KCNG2: variants seen among roughly 807,000 people sequenced by gnomAD.
KCNG2 encodes potassium voltage-gated channel modifier subfamily G member 2, also known as voltage-gated potassium channel regulatory subunit KCNG2.
KCNG2 carries 7 observed loss-of-function variants against 12.3 expected under a neutral mutation model. The ratio of observed to expected loss-of-function variants is 0.57; its 90% CI spans 0.32 to 1.07. The LOEUF (loss-of-function observed/expected upper bound fraction) is 1.07. Ranked by LOEUF, KCNG2 falls within the 50% of genes least tolerant of loss-of-function variation. The pLI is 0.04. For missense variants in KCNG2, 703 were observed against 726.0 expected, an observed-to-expected ratio of 0.97 and a Z score of 0.36; for synonymous variants, 414 against 351.4, an observed-to-expected ratio of 1.18 and a Z score of -1.99.
intron 3 of KCNG2, among the ~76,000 whole-genome samples, chr18:79,874,294 A>G (rs1320703034): frequency 6.6e-6 from 1 of 152,188 alleles, no homozygotes; most frequent in Non-Finnish European, 1.5e-5. Context: ...TCACCCTAAT[A>G]ACAAAAATAT....
chr18:79,856,111 T>C (rs557163375), intron 1 of KCNG2, among the ~76,000 whole-genome samples: 32 of 152,348 alleles, frequency 2.1e-4, no homozygotes, highest in African/African-American at 7.7e-4. Context: ...TATTTTAAAA[T>C]GTATGTTCTG....
At chr18:79,887,510 C>T (rs1409359036) in intron 3 of KCNG2, among the ~76,000 whole-genome samples, 1 of 152,108 alleles carries the variant, frequency 6.6e-6, no homozygotes, top group African/African-American at 2.4e-5. Flanking sequence ...CAGAGACAGA[C>T]GTGGGAGGGA....
At chr18:79,898,843 T>A (rs917611486) in intron 3 of KCNG2, among the ~76,000 whole-genome samples, 197 bp from the exon 4 acceptor site, 14 of 152,256 alleles carry the variant, frequency 9.2e-5, no homozygotes, top group African/African-American at 3.4e-4. Context: ...CCCGAAGTGA[T>A]CACCATGAAA....
intron 1 of KCNG2, chr18:79,816,537 G>C (rs2123000427): frequency 6.6e-6 from 1 of 152,386 alleles, no homozygotes; most frequent in South Asian, 2.1e-4. Context: ...TCCAAATGTG[G>C]ACGGTGTGGG....
At chr18:79,880,088 A>G (rs559052983) in intron 3 of KCNG2, among the ~76,000 whole-genome samples, 1 of 152,336 alleles carries the variant, frequency 6.6e-6, no homozygotes, top group East Asian at 1.9e-4. Flanking sequence ...GGATGTAACA[A>G]TGTCTGCAGA....
At chr18:79,831,768 C>T (rs981311316) in intron 1 of KCNG2, among the ~76,000 whole-genome samples, 12 of 150,798 alleles carry the variant, frequency 8.0e-5, no homozygotes, top group African/African-American at 2.7e-4. Context: ...TTGTCAGGAG[C>T]GTTCCCTTCA....
chr18:79,811,512 A>G (rs1396785467), intron 1 of KCNG2, among the ~76,000 whole-genome samples: 4 of 152,234 alleles, frequency 2.6e-5, no homozygotes, highest in African/African-American at 7.2e-5. Context: ...GGACAACTGG[A>G]TTCCACATAC....
At chr18:79,894,159 A>T (rs1488633991) in intron 3 of KCNG2, among the ~76,000 whole-genome samples, 1 of 151,112 alleles carries the variant, frequency 6.6e-6, no homozygotes, top group Admixed American at 6.6e-5. Flanking sequence ...CACACCATTC[A>T]CATCTAATGT....
At chr18:79,802,254 A>C (rs2087415199) in intron 1 of KCNG2, among the ~76,000 whole-genome samples, 2 of 152,224 alleles carry the variant, frequency 1.3e-5, no homozygotes, top group African/African-American at 4.8e-5. Flanking sequence ...TACGGTTTAG[A>C]AATGTTCAAA....
chr18:79,900,040 C>T lies in KCNG2; in HGVS notation c.*224C>T, dbSNP rs891559004. Reference sequence around the variant, plus strand: ...TGGCCTTTGTCCTCCTGCCCCACCCCTTTCCTTGGATTTTTAATTTTCTAC... The same window carrying T: ...TGGCCTTTGTCCTCCTGCCCCACCCTTTTCCTTGGATTTTTAATTTTCTAC... On this transcript the variant is annotated 3_prime_UTR_variant, in exon 4 of 4. Coordinates refer to ENST00000316249, the MANE Select transcript of KCNG2 (RefSeq NM_012283.2). 7 of 371,872 alleles carry T rather than the reference C, an allele frequency of 1.9e-5. No individual in the cohort carries two copies. Among genetic ancestry groups the T allele is most frequent in the Non-Finnish European group, 2.4e-5 (5 of 210,504 alleles). The allele number at this position is 371,872 out of a possible 1,614,324, so 23.0% of individuals were successfully genotyped here.
At chr18:79,845,888 C>T (rs1978606025) in intron 1 of KCNG2, among the ~76,000 whole-genome samples, 1 of 151,072 alleles carries the variant, frequency 6.6e-6, no homozygotes, top group Non-Finnish European at 1.5e-5. Flanking sequence ...AGATTGAGAT[C>T]ATCCTGGCTA....
intron 3 of KCNG2, among the ~76,000 whole-genome samples, chr18:79,870,691 T>A (rs1054335913): frequency 6.6e-6 from 1 of 152,250 alleles, no homozygotes; most frequent in African/African-American, 2.4e-5. Flanking sequence ...TTTTTTCTTT[T>A]AAACTCACAT....
intron 3 of KCNG2, among the ~76,000 whole-genome samples, chr18:79,894,815 G>A (rs571913420): frequency 2.0e-5 from 3 of 150,538 alleles, no homozygotes; most frequent in Non-Finnish European, 4.4e-5. Flanking sequence ...CTAATGTTAC[G>A]ATTGATATAG....
chr18:79,880,267 A>T (rs1192375041), intron 3 of KCNG2, among the ~76,000 whole-genome samples: 1 of 150,432 alleles, frequency 6.6e-6, no homozygotes, highest in African/African-American at 2.4e-5. Context: ...ACATGAGCCA[A>T]GATCGCGCCA....
intron 1 of KCNG2, among the ~76,000 whole-genome samples, chr18:79,823,982 T>C (rs2087592334): frequency 6.6e-6 from 1 of 152,230 alleles, no homozygotes; most frequent in South Asian, 2.1e-4. Flanking sequence ...TTTCCTACTG[T>C]AAATGGACTT....
chr18:79,818,734 G>A (rs1388911349), intron 1 of KCNG2, among the ~76,000 whole-genome samples: 4 of 152,196 alleles, frequency 2.6e-5, no homozygotes, highest in Non-Finnish European at 5.9e-5. Context: ...TGCGAGAGAC[G>A]TCCGTGTCCT....
chr18:79,844,904 T>C (rs895498747), intron 1 of KCNG2, among the ~76,000 whole-genome samples: 2 of 152,190 alleles, frequency 1.3e-5, no homozygotes, highest in Admixed American at 1.3e-4. Context: ...TAAATTGAAT[T>C]TTATCAAAAG....
At chr18:79,881,899 AACC>A (rs1980309475) in intron 3 of KCNG2, among the ~76,000 whole-genome samples, 1 of 152,226 alleles carries the variant, frequency 6.6e-6, no homozygotes, top group Non-Finnish European at 1.5e-5. Flanking sequence ...CCAGGAATAG[AACC>A]ACATGAATGG....
At position 79,803,969 on chromosome 18, in the gene KCNG2, A is replaced by G. The variant is rs1180490984; in HGVS notation, c.-115+5955A>G. ...CCTTCAGGGAGCTCTAGCCTGCAGC[A>G]GGCCCGTCCTTTGCTGGTGGCAGAT... On this transcript the variant is annotated intron_variant, in intron 1 of 3. Coordinates refer to ENST00000316249, the MANE Select transcript of KCNG2 (RefSeq NM_012283.2). The surrounding 1 kb of genome is among the most constrained non-coding windows in gnomAD (Gnocchi z 4.5). 2.6e-5 allele frequency among the ~76,000 whole-genome samples: 4 copies of G among 152,222 alleles called. No individual in the cohort carries two copies. Among genetic ancestry groups the G allele is most frequent in the Non-Finnish European group, 5.9e-5 (4 of 68,042 alleles).
Sources: gnomAD v4.1 joint callset for allele counts (sites outside exome capture counted in the v4.1 genomes callset) on GRCh38, gnomAD v4.1.1 for gene constraint, Gnocchi (gnomAD v3.1) non-coding constraint, MANE v1.5 for transcripts, NCBI Gene and HGNC (gene_info 2026-07-23, HGNC 2026-07-21) for gene names.